The following ANO4 variants were observed in gnomAD, a reference collection of about 807,000 sequenced individuals.
The protein encoded by ANO4 is anoctamin-4.
A neutral mutation model predicts 141.9 loss-of-function variants in ANO4; 69 were observed. That is an observed-to-expected ratio of 0.49 (90% CI 0.40 to 0.59). The LOEUF is 0.59. Among genes scored for constraint, ANO4 ranks in the 20% least tolerant of loss-of-function variants. The pLI, the probability that ANO4 is intolerant of heterozygous loss-of-function variation, is 0.00. For synonymous variants in ANO4, 350 were observed against 394.3 expected, an observed-to-expected ratio of 0.89 and a Z score of 1.33; for missense variants, 894 against 1,162.2, an observed-to-expected ratio of 0.77 and a Z score of 3.36.
rs1250870068 is a variant in ANO4 at position 100,987,674 on chromosome 12, A to T, written c.734+4A>T. The T allele has an allele frequency of 6.2e-7, 1 of 1,613,694 alleles. No homozygotes were observed. The highest frequency in any genetic ancestry group is 1.3e-5 in the African/African-American group (1 of 75,030). On this transcript the variant is annotated splice_donor_region_variant and intron_variant, in intron 8 of 27. Transcript: ENST00000392977. Reference sequence around the variant, plus strand: ...TCAGCCAGCAAAGGATCCATCAGTGAGTGTTCCATGTTAAAGCCCCATCTC... The same window carrying T: ...TCAGCCAGCAAAGGATCCATCAGTGTGTGTTCCATGTTAAAGCCCCATCTC...
At chr12:100,852,313 C>T (rs942906668) in intron 1 of ANO4, 5 of 152,160 alleles carry the variant, frequency 3.3e-5, no homozygotes, top group African/African-American at 9.7e-5. Context: ...ATGTATGTAA[C>T]AAACCCTGCT....
intron 2 of ANO4, among the ~76,000 whole-genome samples, chr12:100,921,146 A>G (rs535773379): frequency 5.3e-5 from 8 of 152,176 alleles, no homozygotes; most frequent in Admixed American, 5.2e-4. Flanking sequence ...CTTTGTTGAG[A>G]ATCTACTTCA....
intron 1 of ANO4, among the ~76,000 whole-genome samples, chr12:100,858,906 A>G (rs2038325643): frequency 6.6e-6 from 1 of 152,192 alleles, no homozygotes. Context: ...GTTGCCAAAT[A>G]GGAGCAGGGA....
chr12:101,085,245 A>C (rs1437670086), intron 16 of ANO4, among the ~76,000 whole-genome samples: 1 of 152,198 alleles, frequency 6.6e-6, no homozygotes, highest in Non-Finnish European at 1.5e-5. Flanking sequence ...TCTCTAAGAC[A>C]TGTTAATATT....
chr12:100,987,373 GT>G (rs1156840501), intron 7 of ANO4, among the ~76,000 whole-genome samples, 165 bp from the exon 8 acceptor site: 2 of 152,138 alleles, frequency 1.3e-5, no homozygotes, highest in African/African-American at 2.4e-5. Flanking sequence ...CAACACTAGA[GT>G]TCTGGCTGTC....
At chr12:100,879,787 G>A (rs971895900) in intron 1 of ANO4, among the ~76,000 whole-genome samples, 1 of 152,028 alleles carries the variant, frequency 6.6e-6, no homozygotes, top group Non-Finnish European at 1.5e-5. Context: ...TCAGAAACTT[G>A]GTTTATATTA....
chr12:101,061,730 A>C (rs888025197), intron 14 of ANO4, among the ~76,000 whole-genome samples: 1 of 151,912 alleles, frequency 6.6e-6, no homozygotes, highest in Non-Finnish European at 1.5e-5. Flanking sequence ...TTTCAGCTCC[A>C]TCAGGTCATT....
intron 14 of ANO4, among the ~76,000 whole-genome samples, chr12:101,063,203 C>T (rs1285047781): frequency 3.9e-5 from 6 of 152,188 alleles, no homozygotes; most frequent in Admixed American, 1.3e-4. Context: ...GCTTGCCCTC[C>T]GTGGGCTGTA....
At chr12:100,921,816 A>G (rs2041643888) in intron 2 of ANO4, among the ~76,000 whole-genome samples, 1 of 152,150 alleles carries the variant, frequency 6.6e-6, no homozygotes, top group South Asian at 2.1e-4. Context: ...ATCCATCCTT[A>G]AGAATGAATT....
At chr12:100,942,877 T>G (rs2136180031) in intron 5 of ANO4, among the ~76,000 whole-genome samples, 1 of 152,286 alleles carries the variant, frequency 6.6e-6, no homozygotes, top group Middle Eastern at 3.4e-3. Flanking sequence ...AAACTTTGAG[T>G]GAAATCCAGT....
At chr12:100,817,014 G>T (rs1476863774) in intron 1 of ANO4, among the ~76,000 whole-genome samples, 1 of 151,696 alleles carries the variant, frequency 6.6e-6, no homozygotes, top group East Asian at 1.9e-4. Flanking sequence ...TTATCTTGTG[G>T]GGAATGACTT....
At chr12:100,872,454 TG>T (rs1296772895) in intron 1 of ANO4, among the ~76,000 whole-genome samples, 1 of 152,216 alleles carries the variant, frequency 6.6e-6, no homozygotes, top group African/African-American at 2.4e-5. Flanking sequence ...CATATATTTA[TG>T]TGTCTAGGTA....
Position 100,880,593 on chromosome 12 carries a change from T to G in ANO4, c.-140-21053T>G, listed in dbSNP as rs920845048. On this transcript the variant is annotated intron_variant, in intron 1 of 27. Transcript: ENST00000392977. ...ATAATACAATCACAAGGATTAGAAC[T>G]TCATTCTCACTTTAAATCCAAACAG... Among the ~76,000 whole-genome samples, 7 of 152,312 alleles carry G rather than the reference T, an allele frequency of 4.6e-5. No individual in the cohort carries two copies. The East Asian group carries it at 1.2e-3, about 25-fold the overall frequency.
At chr12:100,805,577 C>CCATGAG (rs1292071087) in intron 1 of ANO4, among the ~76,000 whole-genome samples, 7 of 152,148 alleles carry the variant, frequency 4.6e-5, no homozygotes, top group Non-Finnish European at 1.0e-4. Flanking sequence ...TTCTTCCTAT[C>CCATGAG]CATGAGCATG....
At chr12:100,918,732 CAATTA>C (rs1331090754) in intron 2 of ANO4, among the ~76,000 whole-genome samples, 1 of 152,010 alleles carries the variant, frequency 6.6e-6, no homozygotes, top group Non-Finnish European at 1.5e-5. Flanking sequence ...TAATACTTGA[CAATTA>C]AACTACTATG....
At chr12:100,753,125 A>C (rs1166722098) in intron 3 of ANO4, among the ~76,000 whole-genome samples, 1 of 152,206 alleles carries the variant, frequency 6.6e-6, no homozygotes. Context: ...GGCCAGTCCA[A>C]TCATGCAAGC....
At chr12:100,919,124 G>A (rs2041485769) in intron 2 of ANO4, among the ~76,000 whole-genome samples, 1 of 151,904 alleles carries the variant, frequency 6.6e-6, no homozygotes, top group African/African-American at 2.4e-5. Context: ...TTTAGGCTTA[G>A]TGTTATCACA....
chr12:100,775,354 C>T (rs951655465), intron 3 of ANO4, among the ~76,000 whole-genome samples: 9 of 152,218 alleles, frequency 5.9e-5, no homozygotes, highest in African/African-American at 1.9e-4. Context: ...TAGACCCAAA[C>T]TGAGACCCTC....
At chr12:100,880,490 A>C (rs1370222889) in intron 1 of ANO4, among the ~76,000 whole-genome samples, 2 of 152,220 alleles carry the variant, frequency 1.3e-5, no homozygotes, top group Non-Finnish European at 2.9e-5. Flanking sequence ...GTCTGGCTGC[A>C]GAATCTGTTC....
Sources: allele counts gnomAD v4.1 joint callset (sites outside exome capture counted in the v4.1 genomes callset), GRCh38; gene constraint gnomAD v4.1.1; transcripts MANE v1.5; gene names NCBI Gene and HGNC (gene_info 2026-07-23, HGNC 2026-07-21).